Variants in PCNX4 observed in about 807,000 individuals in gnomAD.
The protein encoded by PCNX4 is pecanex 4, also known as pecanex-like protein 4.
In PCNX4, 103 loss-of-function variants were observed where a neutral mutation model predicts 107.2. That is an observed-to-expected ratio of 0.96 (90% confidence interval 0.82 to 1.13). PCNX4 has a LOEUF of 1.13. Among genes scored for constraint, PCNX4 ranks in the 50% most tolerant of loss-of-function variants. The pLI, the probability that PCNX4 is intolerant of heterozygous loss-of-function variation, is 0.00. For missense variants in PCNX4, 1,528 were observed against 1,379.4 expected, an observed-to-expected ratio of 1.11 and a Z score of -1.71; for synonymous variants, 541 against 481.7, an observed-to-expected ratio of 1.12 and a Z score of -1.61.
rs1387177312 is a variant in PCNX4, at chr14:60,137,202, G to A, written c.*2981G>A. 1 of 152,192 alleles carries A rather than the reference G, an allele frequency of 6.6e-6. No homozygotes were observed. The highest frequency in any genetic ancestry group is 2.4e-5 in the African/African-American group (1 of 41,448). 9.4% of individuals were successfully genotyped at this position (152,192 alleles called of 1,614,324 possible). ...CAGCATTTGGGCTGCTTTTCTTATA[G>A]GAGACATGCCAATTCAGGATAAGGT... On this transcript the variant is annotated 3_prime_UTR_variant, in exon 11 of 11. Coordinates refer to ENST00000406854, the MANE Select transcript of PCNX4 (RefSeq NM_001330177.2).
In PCNX4 at chr14:60,096,936, T is replaced by C. The variant is rs1224582050; in HGVS notation, c.-54+4517T>C. Among the ~76,000 whole-genome samples the C allele has an allele frequency of 5.3e-5, 8 of 152,354 alleles. No individual in the cohort carries two copies. In the East Asian group the frequency reaches 1.2e-3, roughly 22 times the overall value. On this transcript the variant is annotated intron_variant, in intron 1 of 10. Coordinates refer to ENST00000406854, the MANE Select transcript of PCNX4 (RefSeq NM_001330177.2). ...AGCAAACCAGTCCTACCATGACTTG[T>C]CTTTTAATAAGTGGGAAACTGGAGA...
At position 60,148,007 on chromosome 14, in the gene PCNX4, G is replaced by A. The variant is rs1427443675; in HGVS notation, c.*13786G>A. 6.6e-6 allele frequency: 1 copy of A among 152,168 alleles called. No individual in the cohort carries two copies. Among genetic ancestry groups the A allele is most frequent in the Non-Finnish European group, 1.5e-5 (1 of 68,038 alleles). 9.4% of individuals were successfully genotyped at this position (152,168 alleles called of 1,614,324 possible). A position where few individuals can be genotyped will look rare whatever the true frequency, so the allele number is the denominator to read the frequency against. On this transcript the variant is annotated 3_prime_UTR_variant, in exon 11 of 11. Coordinates refer to ENST00000406854, the MANE Select transcript of PCNX4 (RefSeq NM_001330177.2). This position sits in a 1 kb window ranked among gnomAD's most constrained non-coding sequence, Gnocchi z 4.8. ...CCCAACAATACCAAAACACTCATAA[G>A]GGATCTGGCCCAAAGCAAACTGTTC...
In PCNX4 at chr14:60,139,066, A is replaced by C. The variant is rs1016944679; in HGVS notation, c.*4845A>C. On this transcript the variant is annotated 3_prime_UTR_variant, in exon 11 of 11. Transcript: ENST00000406854. ...GAATAATAAGGCAAAAAGGTAGAGA[A>C]AATATAGAACAAATAGGACAAATAG... The C allele has an allele frequency of 1.3e-5, 2 of 152,142 alleles. No individual in the cohort carries two copies. Among genetic ancestry groups the C allele is most frequent in the African/African-American group, 4.8e-5 (2 of 41,472 alleles). 9.4% of individuals were successfully genotyped at this position (152,142 alleles called of 1,614,324 possible). A position where few individuals can be genotyped will look rare whatever the true frequency, so the allele number is the denominator to read the frequency against.
rs1896420674 is a variant in PCNX4 at position 60,146,924 on chromosome 14, A to C, written c.*12703A>C. The C allele has an allele frequency of 1.3e-5, 2 of 152,228 alleles. No individual in the cohort carries two copies. The allele number at this position is 152,228 out of a possible 1,614,324, so 9.4% of individuals were successfully genotyped here. ...GAGCCAGAAGATGGAGGAAATGGGG[A>C]GATCTTGGTCAAAAGGTACACATTT... is the stretch of plus-strand genomic sequence containing the variant. On this transcript the variant is annotated 3_prime_UTR_variant, in exon 11 of 11. Coordinates refer to ENST00000406854, the MANE Select transcript of PCNX4 (RefSeq NM_001330177.2). This position sits in a 1 kb window ranked among gnomAD's most constrained non-coding sequence, Gnocchi z 4.9.
At chr14:60,092,641 G>A (rs1375464794) in intron 1 of PCNX4, among the ~76,000 whole-genome samples, 1 of 152,186 alleles carries the variant, frequency 6.6e-6, no homozygotes. Flanking sequence ...GACTACTTTA[G>A]CCTGTTGAAT....
intron 6 of PCNX4, among the ~76,000 whole-genome samples, chr14:60,117,059 AAAAT>A (rs995019140): frequency 3.3e-5 from 5 of 152,226 alleles, no homozygotes; most frequent in East Asian, 1.9e-4. Flanking sequence ...AAGAAAGTAT[AAAAT>A]AAAAAAGTTA....
chr14:60,123,251 TTCTG>T (rs534190968), intron 8 of PCNX4, among the ~76,000 whole-genome samples: 26 of 152,210 alleles, frequency 1.7e-4, no homozygotes, highest in African/African-American at 5.5e-4. Flanking sequence ...TACTCTTTTT[TTCTG>T]TCTGTCTTTT....
chr14:60,105,770 A>G (rs1166755634), intron 1 of PCNX4, among the ~76,000 whole-genome samples: 1 of 152,238 alleles, frequency 6.6e-6, no homozygotes, highest in Non-Finnish European at 1.5e-5. Context: ...TCTGGTTTAT[A>G]AAATATCTTT....
chr14:60,104,296 G>A (rs191192437), intron 1 of PCNX4, among the ~76,000 whole-genome samples: 75 of 143,264 alleles, frequency 5.2e-4, no homozygotes, highest in African/African-American at 1.9e-3. Flanking sequence ...TCCAGCCTGG[G>A]TGACAGAGCA....
chr14:60,120,226 G>T (rs1895928911), intron 7 of PCNX4, among the ~76,000 whole-genome samples: 1 of 152,166 alleles, frequency 6.6e-6, no homozygotes, highest in Non-Finnish European at 1.5e-5. Context: ...TGTGCTTAAT[G>T]CCCTGGCAAC....
chr14:60,098,679 C>T (rs968966276), intron 1 of PCNX4, among the ~76,000 whole-genome samples: 3 of 152,120 alleles, frequency 2.0e-5, no homozygotes, highest in African/African-American at 4.8e-5. Context: ...TGGCTCACAC[C>T]TGTAATCCCA....
rs1461467268 is a variant in PCNX4 at position 60,139,418 on chromosome 14, T to G, written c.*5197T>G. ...TAAAAGATTTGATTCACCAGAAAGT[T>G]TCAACAGGTCTAATATTTTAATGAT... On this transcript the variant is annotated 3_prime_UTR_variant, in exon 11 of 11. Transcript: ENST00000406854. The G allele has an allele frequency of 6.6e-6, 1 of 152,040 alleles. No homozygotes were observed. The highest frequency in any genetic ancestry group is 1.9e-4 in the East Asian group (1 of 5,196). 9.4% of individuals were successfully genotyped at this position (152,040 alleles called of 1,614,324 possible). A position where few individuals can be genotyped will look rare whatever the true frequency, so the allele number is the denominator to read the frequency against.
chr14:60,115,912 G>C (rs564106669), intron 5 of PCNX4, 29 bp from the exon 6 acceptor site: 3 of 1,594,872 alleles, frequency 1.9e-6, no homozygotes, highest in East Asian at 4.5e-5. Context: ...AATTCTACCT[G>C]ATAAAAATGG....
intron 2 of PCNX4, chr14:60,110,912 A>C (rs994924625): frequency 6.0e-6 from 1 of 167,030 alleles, no homozygotes; most frequent in Admixed American, 6.5e-5. Context: ...ATGTGTTGGT[A>C]TTTGGAGATG....
Position 60,114,994 on chromosome 14 carries a change from T to C in PCNX4, c.890T>C (p.Met297Thr). The C allele has an allele frequency of 1.9e-6, 3 of 1,604,648 alleles. No individual in the cohort carries two copies. Among genetic ancestry groups the C allele is most frequent in the Non-Finnish European group, 2.6e-6 (3 of 1,174,056 alleles). Residue 297 changes from methionine (M) to threonine (T), a missense_variant, in exon 4 of 11, where the codon ATG (methionine) becomes ACG (threonine). Transcript: ENST00000406854. ...TACAGGTTATTAGTAATGTTCATCA[T>C]GTCTGCTGGAACAGCTATAGCATCA... ...THLRLLVMFI[M>T]SAGTAIASYF...
At chr14:60,130,193 A>G (rs534762120) in intron 10 of PCNX4, among the ~76,000 whole-genome samples, 1 of 151,856 alleles carries the variant, frequency 6.6e-6, no homozygotes, top group Non-Finnish European at 1.5e-5. Flanking sequence ...AAACAAAATT[A>G]TCCATACATG....
In PCNX4 at chr14:60,146,631, C is replaced by A. The variant is rs1198648755; in HGVS notation, c.*12410C>A. Reference sequence around the variant, plus strand: ...CATAATAGCCAAGATATGGAAACAACCTAAGTGTCCATTAGTGAATGAATG... The same window carrying A: ...CATAATAGCCAAGATATGGAAACAAACTAAGTGTCCATTAGTGAATGAATG... On this transcript the variant is annotated 3_prime_UTR_variant, in exon 11 of 11. Transcript: ENST00000406854. The surrounding 1 kb of genome is among the most constrained non-coding windows in gnomAD (Gnocchi z 4.9). 6.6e-6 allele frequency: 1 copy of A among 151,904 alleles called. No individual in the cohort carries two copies. Among genetic ancestry groups the A allele is most frequent in the Non-Finnish European group, 1.5e-5 (1 of 68,018 alleles). 9.4% of individuals were successfully genotyped at this position (151,904 alleles called of 1,614,324 possible). A position where few individuals can be genotyped will look rare whatever the true frequency, so the allele number is the denominator to read the frequency against.
At position 60,107,930 on chromosome 14, in the gene PCNX4, T is replaced by TC. The variant is rs761929798; in HGVS notation, c.293dup (p.Thr99AsnfsTer17). The TC allele has an allele frequency of 1.2e-6, 2 of 1,612,798 alleles. No individual in the cohort carries two copies. Among genetic ancestry groups the TC allele is most frequent in the South Asian group, 2.2e-5 (2 of 91,070 alleles). ...CACAAGTTTATACGCCAAAAACAAATCAACAACAGTAGAAAGAATACTAAC... is the reference window on the plus strand; with the variant it reads ...CACAAGTTTATACGCCAAAAACAAATCCAACAACAGTAGAAAGAATACTAAC... On this transcript the variant is annotated frameshift_variant, in exon 2 of 11. Transcript: ENST00000406854. LOFTEE classifies it high-confidence loss of function.
intron 8 of PCNX4, among the ~76,000 whole-genome samples, chr14:60,123,958 C>T (rs948011850): frequency 2.0e-5 from 3 of 151,938 alleles, no homozygotes; most frequent in African/African-American, 4.8e-5. Context: ...ATATTCATAC[C>T]TACTAAATTT....
Sources: gnomAD v4.1 joint callset for allele counts (sites outside exome capture counted in the v4.1 genomes callset) on GRCh38, gnomAD v4.1.1 for gene constraint, Gnocchi (gnomAD v3.1) non-coding constraint, MANE v1.5 for transcripts, NCBI Gene and HGNC (gene_info 2026-07-23, HGNC 2026-07-21) for gene names.